Variants in PHLPP1 observed in about 807,000 individuals in gnomAD.
PHLPP1 encodes PH domain leucine-rich repeat-containing protein phosphatase 1.
A neutral mutation model predicts 117.2 loss-of-function variants in PHLPP1; 42 were observed. The ratio of observed to expected loss-of-function variants is 0.36; its 90% confidence interval spans 0.28 to 0.46. The LOEUF (loss-of-function observed/expected upper bound fraction) is 0.46. Among genes scored for constraint, PHLPP1 ranks in the 20% least tolerant of loss-of-function variants. The probability of loss-of-function intolerance (pLI) is 1.00; values close to 1 mark genes in which losing one functional copy is unlikely to be tolerated. For synonymous variants in PHLPP1, 1,042 were observed against 970.7 expected (o/e 1.07, Z -1.37); for missense variants, 2,084 against 2,241.9 (o/e 0.93, Z 1.42).
intron 1 of PHLPP1, among the ~76,000 whole-genome samples, chr18:62,762,769 T>A (rs966162595): frequency 6.6e-6 from 1 of 152,184 alleles, no homozygotes; most frequent in Non-Finnish European, 1.5e-5. Flanking sequence ...ATTTAAATTT[T>A]AAAAATTAGA....
At chr18:62,896,048 C>A (rs1962960202) in intron 6 of PHLPP1, 37 bp downstream of exon 6, 2 of 1,338,400 alleles carry the variant, frequency 1.5e-6, no homozygotes, top group Admixed American at 1.9e-5. Flanking sequence ...ATTTGAGTGG[C>A]TGGCTTATAT....
chr18:62,787,013 G>A (rs1405808477), intron 1 of PHLPP1, among the ~76,000 whole-genome samples: 1 of 152,136 alleles, frequency 6.6e-6, no homozygotes, highest in African/African-American at 2.4e-5. Flanking sequence ...TACCTCTAAA[G>A]CGTGCATGCA....
At chr18:62,834,544 G>A (rs1914839100) in intron 2 of PHLPP1, among the ~76,000 whole-genome samples, 2 of 152,114 alleles carry the variant, frequency 1.3e-5, no homozygotes, top group African/African-American at 4.8e-5. Flanking sequence ...CTCGGTTACT[G>A]GGCTCTGGGA....
chr18:62,742,738 A>T (rs1207492083), intron 1 of PHLPP1, among the ~76,000 whole-genome samples: 1 of 152,070 alleles, frequency 6.6e-6, no homozygotes, highest in Non-Finnish European at 1.5e-5. Context: ...CTGGCCTTTT[A>T]AAATTTTTAT....
intron 4 of PHLPP1, among the ~76,000 whole-genome samples, chr18:62,867,836 G>T (rs549520601): frequency 6.6e-6 from 1 of 151,820 alleles, no homozygotes; most frequent in African/African-American, 2.4e-5. Flanking sequence ...TTTTTAGATG[G>T]AGTCTGGCTC....
At chr18:62,904,027 C>T (rs577720512) in intron 7 of PHLPP1, among the ~76,000 whole-genome samples, 3 of 152,272 alleles carry the variant, frequency 2.0e-5, no homozygotes, top group Non-Finnish European at 2.9e-5. Context: ...ATGTTTATCA[C>T]GCACTTGTTT....
At chr18:62,903,255 C>A in intron 7 of PHLPP1, 89 bp downstream of exon 7, 1 of 888,096 alleles carries the variant, frequency 1.1e-6, no homozygotes, top group Non-Finnish European at 1.8e-6. Context: ...ATTCTTTGCT[C>A]AAGTAGTTAG....
chr18:62,836,755 A>C (rs79025087), intron 2 of PHLPP1, among the ~76,000 whole-genome samples: 1 of 151,554 alleles, frequency 6.6e-6, no homozygotes, highest in Non-Finnish European at 1.5e-5. Flanking sequence ...AAAAAAAAAA[A>C]CTTCTATATT....
chr18:62,759,676 C>A (rs1317920135), intron 1 of PHLPP1, among the ~76,000 whole-genome samples: 1 of 152,194 alleles, frequency 6.6e-6, no homozygotes, highest in Non-Finnish European at 1.5e-5. Context: ...ATTCTACCCA[C>A]CCAAATTAAT....
At chr18:62,928,476 T>C (rs1226381637) in intron 10 of PHLPP1, among the ~76,000 whole-genome samples, 1 of 152,194 alleles carries the variant, frequency 6.6e-6, no homozygotes, top group Non-Finnish European at 1.5e-5. Context: ...ATATGACTTA[T>C]ACCCACTAGG....
chr18:62,722,751 C>A (rs1910960483), intron 1 of PHLPP1, among the ~76,000 whole-genome samples: 1 of 152,114 alleles, frequency 6.6e-6, no homozygotes, highest in Admixed American at 6.5e-5. Context: ...TATGAAACTT[C>A]AACTCCAGAA....
At chr18:62,818,545 G>T (rs1914357114) in intron 1 of PHLPP1, among the ~76,000 whole-genome samples, 1 of 151,768 alleles carries the variant, frequency 6.6e-6, no homozygotes. Context: ...AAATATTTTT[G>T]AAAAAACAAA....
At chr18:62,912,154 G>A (rs1004457782) in intron 8 of PHLPP1, among the ~76,000 whole-genome samples, 3 of 116,124 alleles carry the variant, frequency 2.6e-5, no homozygotes, top group African/African-American at 9.6e-5. Context: ...GACTGTGGTG[G>A]GGTCGGGGGA....
intron 1 of PHLPP1, among the ~76,000 whole-genome samples, chr18:62,719,629 T>G (rs1291531260): frequency 2.0e-5 from 3 of 152,202 alleles, no homozygotes. Context: ...TTAGATGACA[T>G]CTTTTACAGG....
At chr18:62,797,673 G>T (rs943280363) in intron 1 of PHLPP1, among the ~76,000 whole-genome samples, 1 of 152,198 alleles carries the variant, frequency 6.6e-6, no homozygotes, top group African/African-American at 2.4e-5. Flanking sequence ...GTTATGTGCA[G>T]ACCTTGATTA....
At chr18:62,839,977 T>G (rs1290477300) in intron 3 of PHLPP1, 1 of 151,808 alleles carries the variant, frequency 6.6e-6, no homozygotes, top group Non-Finnish European at 1.5e-5. Flanking sequence ...GTTTTTGAAA[T>G]GACAAAATCT....
At chr18:62,832,326 G>A (rs1417994907) in intron 2 of PHLPP1, 1 of 152,270 alleles carries the variant, frequency 6.6e-6, no homozygotes. Flanking sequence ...ACATTTTTTC[G>A]GGTAAGAGGG....
At chr18:62,788,641 T>C (rs1396295967) in intron 1 of PHLPP1, among the ~76,000 whole-genome samples, 1 of 152,172 alleles carries the variant, frequency 6.6e-6, no homozygotes, top group Admixed American at 6.5e-5. Flanking sequence ...TAATTAAAAC[T>C]TGTACATCTT....
intron 1 of PHLPP1, among the ~76,000 whole-genome samples, chr18:62,762,509 G>A (rs1347685389): frequency 1.3e-5 from 2 of 151,078 alleles, no homozygotes. Flanking sequence ...CACCTCCTGG[G>A]TTCAAGCGAT....
Sources: allele counts gnomAD v4.1 joint callset (sites outside exome capture counted in the v4.1 genomes callset), GRCh38; gene constraint gnomAD v4.1.1; transcripts MANE v1.5; gene names NCBI Gene and HGNC (gene_info 2026-07-23, HGNC 2026-07-21).